DPH6: variants seen among roughly 807,000 people sequenced by gnomAD.
DPH6 encodes the protein diphthine--ammonia ligase.
DPH6 carries 33 observed loss-of-function variants against 38.2 expected under a neutral mutation model. That is an observed-to-expected ratio of 0.86 (90% confidence interval 0.65 to 1.15). The LOEUF (loss-of-function observed/expected upper bound fraction) is 1.15. Ranked by LOEUF, DPH6 falls within the 50% of genes most tolerant of loss-of-function variation. DPH6 has a pLI of 0.00. For missense variants in DPH6, 325 were observed against 320.0 expected (o/e 1.02, Z -0.12); for synonymous variants, 108 against 103.0 (o/e 1.05, Z -0.30).
At chr15:35,420,917 G>C (rs956913052) in intron 5 of DPH6, among the ~76,000 whole-genome samples, 3 of 152,010 alleles carry the variant, frequency 2.0e-5, no homozygotes, top group Non-Finnish European at 2.9e-5. Flanking sequence ...AAATGGAAGG[G>C]GAGACATTAT....
At chr15:35,434,228 CTAG>C (rs1315288252) in intron 5 of DPH6, among the ~76,000 whole-genome samples, 1 of 152,110 alleles carries the variant, frequency 6.6e-6, no homozygotes, top group Non-Finnish European at 1.5e-5. Flanking sequence ...ACTTATAGGC[CTAG>C]TCTCTTCAAT....
At chr15:35,221,721 C>A (rs529736718) in intron 3 of DPH6, among the ~76,000 whole-genome samples, 1 of 152,328 alleles carries the variant, frequency 6.6e-6, no homozygotes, top group Non-Finnish European at 1.5e-5. Context: ...GGTAGCTTGG[C>A]TACCCCGTTG....
intron 3 of DPH6, among the ~76,000 whole-genome samples, chr15:35,270,826 C>T (rs2051817984): frequency 6.6e-6 from 1 of 152,150 alleles, no homozygotes; most frequent in Non-Finnish European, 1.5e-5. Context: ...CTAACACAGA[C>T]AAGATACTTA....
intron 3 of DPH6, among the ~76,000 whole-genome samples, chr15:35,505,373 A>C (rs184898555): frequency 6.6e-6 from 1 of 152,238 alleles, no homozygotes. Context: ...TTACAAAATA[A>C]GATGATGAGA....
intron 3 of DPH6, among the ~76,000 whole-genome samples, chr15:35,271,963 TTTTC>T (rs1394919915): frequency 6.6e-6 from 1 of 152,168 alleles, no homozygotes; most frequent in Non-Finnish European, 1.5e-5. Context: ...TTACTTCATG[TTTTC>T]TTTGTTTTCC....
intron 3 of DPH6, among the ~76,000 whole-genome samples, chr15:35,316,796 G>C (rs1268467934): frequency 6.6e-6 from 1 of 151,824 alleles, no homozygotes; most frequent in Admixed American, 6.6e-5. Context: ...AAAGGACAAA[G>C]AAAAAAACCA....
chr15:35,487,875 T>C (rs778256895), intron 3 of DPH6, among the ~76,000 whole-genome samples: 1 of 152,216 alleles, frequency 6.6e-6, no homozygotes, highest in Non-Finnish European at 1.5e-5. Flanking sequence ...TTTCAGACTA[T>C]CTCTGTGAAC....
intron 3 of DPH6, among the ~76,000 whole-genome samples, chr15:35,362,032 C>T (rs2140907830): frequency 6.6e-6 from 1 of 152,028 alleles, no homozygotes; most frequent in South Asian, 2.1e-4. Context: ...ACATTTTTTG[C>T]ATTTGAAAAA....
chr15:35,546,068 G>A (rs1348252395), intron 1 of DPH6, 51 bp downstream of exon 1: 47 of 1,323,108 alleles, frequency 3.6e-5, no homozygotes, highest in East Asian at 1.6e-4. Flanking sequence ...GCGGCTGGAA[G>A]GGACGAGAGC....
In DPH6 at chr15:35,359,047, G is replaced by A. The variant is rs887920940; in HGVS notation, n.207+14474C>T. 4.6e-5 allele frequency among the ~76,000 whole-genome samples: 7 copies of A among 152,220 alleles called. No homozygotes were observed. The South Asian group carries it at 6.2e-4, about 14-fold the overall frequency. ...GTGTGAGCTCAGACTCTCCGTGGGC[G>A]TGTCTTGCTGTGGCTGCTGTTGGGG... On this transcript the variant is annotated intron_variant and non_coding_transcript_variant, in intron 3 of 3. Coordinates refer to the DPH6 transcript ENST00000558973.
intron 3 of DPH6, among the ~76,000 whole-genome samples, chr15:35,285,203 T>C (rs896756374): frequency 6.6e-6 from 1 of 152,176 alleles, no homozygotes; most frequent in African/African-American, 2.4e-5. Context: ...TTCCTACCCT[T>C]GATTTCTTCC....
chr15:35,322,089 A>G (rs541563437), intron 3 of DPH6, among the ~76,000 whole-genome samples: 5 of 152,316 alleles, frequency 3.3e-5, no homozygotes, highest in African/African-American at 7.2e-5. Context: ...CAGCTGAGTC[A>G]TAAGTCATGG....
chr15:35,524,855 C>T (rs530397847), intron 3 of DPH6, among the ~76,000 whole-genome samples: 29 of 152,026 alleles, frequency 1.9e-4, no homozygotes, highest in Admixed American at 9.2e-4. Flanking sequence ...AGCGTTCATG[C>T]AATAAAAACT....
intron 6 of DPH6, among the ~76,000 whole-genome samples, chr15:35,385,081 C>T (rs1403757420): frequency 2.6e-5 from 4 of 152,294 alleles, no homozygotes; most frequent in African/African-American, 9.6e-5. Context: ...CCATCTCATG[C>T]CAGTTAGATT....
At chr15:35,151,551 G>C in the DPH6 span, among the ~76,000 whole-genome samples, 6 of 152,222 alleles carry the variant, frequency 3.9e-5, no homozygotes, top group Non-Finnish European at 7.3e-5. Context: ...ATGTCTGCAT[G>C]GGTTTTCTCT....
chr15:35,532,607 G>A (rs973302519), intron 3 of DPH6, among the ~76,000 whole-genome samples: 1 of 152,172 alleles, frequency 6.6e-6, no homozygotes, highest in Non-Finnish European at 1.5e-5. Flanking sequence ...GAACAAGTTT[G>A]TGTAGGAAGA....
At chr15:35,445,267 C>T (rs1393536708) in intron 5 of DPH6, among the ~76,000 whole-genome samples, 2 of 152,066 alleles carry the variant, frequency 1.3e-5, no homozygotes, top group Non-Finnish European at 2.9e-5. Flanking sequence ...AATCTGCTCT[C>T]CATTATACCT....
At chr15:35,518,024 T>C (rs774749549) in intron 3 of DPH6, among the ~76,000 whole-genome samples, 8 of 152,124 alleles carry the variant, frequency 5.3e-5, no homozygotes, top group Admixed American at 1.3e-4. Flanking sequence ...TACTATTAGA[T>C]GGCTTCATAA....
chr15:35,424,876 A>T (rs2053549216), intron 5 of DPH6, among the ~76,000 whole-genome samples: 1 of 151,646 alleles, frequency 6.6e-6, no homozygotes, highest in African/African-American at 2.4e-5. Context: ...TAATAGAAAA[A>T]GCTGTCCTTT....
Sources: allele counts gnomAD v4.1 joint callset (sites outside exome capture counted in the v4.1 genomes callset), GRCh38; gene constraint gnomAD v4.1.1; transcripts MANE v1.5; gene names NCBI Gene and HGNC (gene_info 2026-07-23, HGNC 2026-07-21).